The following HPS4 variants were observed in gnomAD, a reference collection of about 807,000 sequenced individuals.
HPS4 encodes BLOC-3 complex member HPS4.
HPS4 carries 44 observed loss-of-function variants against 70.3 expected under a neutral mutation model. That is an observed-to-expected ratio of 0.63 (90% confidence interval 0.49 to 0.80). The LOEUF is 0.80. Ranked by LOEUF, HPS4 falls within the 30% of genes least tolerant of loss-of-function variation. HPS4 has a pLI of 0.00. For synonymous variants in HPS4, 377 were observed against 355.9 expected (o/e 1.06, Z -0.67); for missense variants, 873 against 884.4 (o/e 0.99, Z 0.16).
At chr22:26,458,033 G>T in intron 12 of HPS4, 66 bp from the exon 13 acceptor site, 2 of 1,273,840 alleles carry the variant, frequency 1.6e-6, no homozygotes, top group Non-Finnish European at 2.2e-6. Flanking sequence ...ACCCCATGAA[G>T]CCCAGTACTG....
At chr22:26,470,225 A>T (rs1247760295) in intron 7 of HPS4, among the ~76,000 whole-genome samples, 1 of 152,242 alleles carries the variant, frequency 6.6e-6, no homozygotes, top group African/African-American at 2.4e-5. Flanking sequence ...TGAAGAAGTG[A>T]AGTGAATTCT....
Position 26,482,032 on chromosome 22 carries a change from A to G in HPS4, c.-270T>C. 2.2e-6 allele frequency: 1 copy of G among 464,746 alleles called. No homozygotes were observed. The highest frequency in any genetic ancestry group is 4.0e-6 in the Non-Finnish European group (1 of 252,254). 28.8% of individuals were successfully genotyped at this position (464,746 alleles called of 1,614,324 possible). The stretch of plus-strand genomic sequence containing the variant: ...CTATAACAGAGAATCCTAGCAGAAA[A>G]GTCAAATCCATTCCTCTGGTTTCCT... On this transcript the variant is annotated 5_prime_UTR_variant, in exon 2 of 14. Transcript: ENST00000398145.
At chr22:26,444,627 C>G (rs186432078) in exon 4 of HPS4, 1 of 152,214 alleles carries the variant, frequency 6.6e-6, no homozygotes, top group African/African-American at 2.4e-5. Context: ...TTGGAATATA[C>G]AGCTGGTCGC....
At chr22:26,460,035 A>C (rs1002633113) in intron 11 of HPS4, among the ~76,000 whole-genome samples, 1 of 152,254 alleles carries the variant, frequency 6.6e-6, no homozygotes, top group Non-Finnish European at 1.5e-5. Flanking sequence ...TTGGTGTTAA[A>C]TCAGTTTTCC....
chr22:26,468,651 A>G, intron 7 of HPS4, 28 bp from the exon 8 acceptor site: 1 of 1,601,370 alleles, frequency 6.2e-7, no homozygotes, highest in Non-Finnish European at 8.6e-7. Flanking sequence ...GAACAAGAAC[A>G]CCATGAGACG....
Position 26,464,557 on chromosome 22 carries a change from T to C in HPS4, c.1073A>G (p.Lys358Arg), listed in dbSNP as rs1451575293. 6.2e-7 allele frequency: 1 copy of C among 1,614,116 alleles called. No homozygotes were observed. Among genetic ancestry groups the C allele is most frequent in the Admixed American group, 1.7e-5 (1 of 60,012 alleles). ...EVLGLSSSLG[K>R]ELVFLQEELD... Reference sequence around the variant, plus strand: ...TTCTTCTTGGAGAAAGACTAGTTCCTTCCCCAGGGAGGAGCTGAGGCCAAG... The same window carrying C: ...TTCTTCTTGGAGAAAGACTAGTTCCCTCCCCAGGGAGGAGCTGAGGCCAAG... The change falls in exon 11 of 14, where the codon AAG becomes AGG. Residue 358 changes from lysine (K) to arginine (R), a missense_variant. Coordinates refer to ENST00000398145, the MANE Select transcript of HPS4 (RefSeq NM_022081.6).
rs1280131714 is a variant in HPS4, at chr22:26,451,633, T to C, written c.*1600A>G. The C allele has an allele frequency of 6.6e-6, 1 of 152,246 alleles. No homozygotes were observed. The highest frequency in any genetic ancestry group is 1.5e-5 in the Non-Finnish European group (1 of 68,078). The allele number at this position is 152,246 out of a possible 1,614,324, so 9.4% of individuals were successfully genotyped here. A position where few individuals can be genotyped will look rare whatever the true frequency, so the allele number is the denominator to read the frequency against. On this transcript the variant is annotated 3_prime_UTR_variant, in exon 14 of 14. Transcript: ENST00000398145. ...AAAGTTGTCTTCGCTGGCCTGGTACTGGGGACCACTGGTCAAAGACAACGT... is the reference window on the plus strand; with the variant it reads ...AAAGTTGTCTTCGCTGGCCTGGTACCGGGGACCACTGGTCAAAGACAACGT...
chr22:26,460,979 A>G (rs1481068677), intron 11 of HPS4, among the ~76,000 whole-genome samples: 4 of 152,234 alleles, frequency 2.6e-5, no homozygotes, highest in African/African-American at 9.6e-5. Context: ...CAAAGCTGAA[A>G]ATATTTGCTT....
Position 26,464,555 on chromosome 22 carries a change from C to G in HPS4, c.1075G>C (p.Glu359Gln). 1 of 1,614,198 alleles carries G rather than the reference C, an allele frequency of 6.2e-7. No individual in the cohort carries two copies. Reference sequence around the variant, plus strand: ...AGTTCTTCTTGGAGAAAGACTAGTTCCTTCCCCAGGGAGGAGCTGAGGCCA... The same window carrying G: ...AGTTCTTCTTGGAGAAAGACTAGTTGCTTCCCCAGGGAGGAGCTGAGGCCA... ...VLGLSSSLGK[E>Q]LVFLQEELDL... is the part of the protein sequence containing the mutation. The change falls in exon 11 of 14, where the codon GAA becomes CAA. Residue 359 changes from glutamate (E) to glutamine (Q), a missense_variant. Glu to Gln is a conservative substitution (Grantham distance 29). Transcript: ENST00000398145.
rs368703079 is a variant in HPS4 at position 26,468,539 on chromosome 22, A to G, written c.669+12T>C. ...GGATGCTGTCCAGCCAGGTGGGTGG[A>G]CTTTACAATACCTGCTCCTGAGGTG... On this transcript the variant is annotated intron_variant, in intron 8 of 13. Coordinates refer to ENST00000398145, the MANE Select transcript of HPS4 (RefSeq NM_022081.6). 4.3e-6 allele frequency: 7 copies of G among 1,613,086 alleles called. No homozygotes were observed. The highest frequency in any genetic ancestry group is 4.5e-5 in the East Asian group (2 of 44,862).
downstream of HPS4, chr22:26,443,155 C>T (rs142093449): frequency 1.3e-4 from 209 of 1,614,026 alleles, no homozygotes; most frequent in Non-Finnish European, 1.7e-4. Context: ...ATCCAAACGT[C>T]GCAGCGGCCG....
At chr22:26,458,797 G>A (rs565584508) in intron 11 of HPS4, among the ~76,000 whole-genome samples, 1 of 151,386 alleles carries the variant, frequency 6.6e-6, no homozygotes, top group East Asian at 1.9e-4. Flanking sequence ...CTCCAGCCTG[G>A]GTGATAGAGT....
chr22:26,465,295 T>C (rs1357632880), intron 10 of HPS4, among the ~76,000 whole-genome samples, 160 bp downstream of exon 10: 1 of 152,210 alleles, frequency 6.6e-6, no homozygotes, highest in Non-Finnish European at 1.5e-5. Context: ...CCACTCTGTT[T>C]CTTAACAAAC....
chr22:26,457,035 AAATAC>A (rs2086255739), intron 13 of HPS4, among the ~76,000 whole-genome samples: 1 of 152,176 alleles, frequency 6.6e-6, no homozygotes, highest in Non-Finnish European at 1.5e-5. Context: ...AAATAATTAA[AAATAC>A]AATTTATATG....
intron 13 of HPS4, among the ~76,000 whole-genome samples, chr22:26,457,191 G>C (rs1488350148): frequency 7.0e-6 from 1 of 141,994 alleles, no homozygotes; most frequent in African/African-American, 2.6e-5. Flanking sequence ...CTGCATGACT[G>C]TATGATCAGC....
chr22:26,460,076 G>C (rs1170158641), intron 11 of HPS4, among the ~76,000 whole-genome samples: 1 of 152,182 alleles, frequency 6.6e-6, no homozygotes, highest in Admixed American at 6.5e-5. Flanking sequence ...GATATTTCAA[G>C]TCAATAGGTG....
At chr22:26,461,169 T>C (rs577335936) in intron 11 of HPS4, among the ~76,000 whole-genome samples, 2 of 152,232 alleles carry the variant, frequency 1.3e-5, no homozygotes, top group South Asian at 2.1e-4. Flanking sequence ...GCAGGAGCAA[T>C]GCATGGAACA....
chr22:26,483,731 C>T lies in HPS4; in HGVS notation c.-536G>A, dbSNP rs1015932771. On this transcript the variant is annotated 5_prime_UTR_variant, in exon 1 of 14. Coordinates refer to ENST00000398145, the MANE Select transcript of HPS4 (RefSeq NM_022081.6). The stretch of plus-strand genomic sequence containing the variant: ...CGGGACTCTGGACCAGAAATGTGGG[C>T]AGCAGCTGGGTACCTGCGACTTCTG... 1.8e-5 allele frequency: 8 copies of T among 446,668 alleles called. No homozygotes were observed. Among genetic ancestry groups the T allele is most frequent in the Non-Finnish European group, 3.0e-5 (8 of 267,608 alleles). 27.7% of individuals were successfully genotyped at this position (446,668 alleles called of 1,614,324 possible). A position where few individuals can be genotyped will look rare whatever the true frequency, so the allele number is the denominator to read the frequency against.
At position 26,464,563 on chromosome 22, in the gene HPS4, A is replaced by G. The variant is rs1235804837; in HGVS notation, c.1067T>C (p.Leu356Pro). Residue 356 changes from leucine (L) to proline (P), a missense_variant, in exon 11 of 14, where the codon CTG (leucine) becomes CCG (proline). By Grantham distance (98) the Leu-to-Pro change is moderately conservative. Coordinates refer to ENST00000398145, the MANE Select transcript of HPS4 (RefSeq NM_022081.6). ...RGEVLGLSSS[L>P]GKELVFLQEE... is the part of the protein sequence containing the mutation. The stretch of plus-strand genomic sequence containing the variant: ...TTGGAGAAAGACTAGTTCCTTCCCC[A>G]GGGAGGAGCTGAGGCCAAGAACCTC... The G allele has an allele frequency of 6.2e-7, 1 of 1,614,228 alleles. No individual in the cohort carries two copies. The highest frequency in any genetic ancestry group is 2.2e-5 in the East Asian group (1 of 44,882).
Sources: allele counts gnomAD v4.1 joint callset (sites outside exome capture counted in the v4.1 genomes callset), GRCh38; gene constraint gnomAD v4.1.1; transcripts MANE v1.5; gene names NCBI Gene and HGNC (gene_info 2026-07-23, HGNC 2026-07-21).